MYO18A: variants seen among roughly 807,000 people sequenced by gnomAD.
The protein encoded by MYO18A is myosin XVIIIA.
In MYO18A, 78 loss-of-function variants were observed where a neutral mutation model predicts 235.8. That is an observed-to-expected ratio of 0.33 (90% CI 0.28 to 0.40). The LOEUF (loss-of-function observed/expected upper bound fraction) is 0.40. Ranked by LOEUF, MYO18A falls within the 10% of genes least tolerant of loss-of-function variation. The pLI is 1.00. For synonymous variants in MYO18A, 977 were observed against 1,077.8 expected, an observed-to-expected ratio of 0.91 and a Z score of 1.83; for missense variants, 2,215 against 2,699.3, an observed-to-expected ratio of 0.82 and a Z score of 3.98.
At chr17:29,087,203 G>A (rs1223076677) in intron 37 of MYO18A, 82 bp from the exon 38 acceptor site, 3 of 1,435,088 alleles carry the variant, frequency 2.1e-6, no homozygotes, top group African/African-American at 1.4e-5. Flanking sequence ...AGCTCTGGGT[G>A]AGGAGGCCTG....
rs755115282 is a variant in MYO18A at position 29,140,844 on chromosome 17, AAC to A, written c.1000-18593_1000-18592del. Among the ~76,000 whole-genome samples, 21 of 152,138 alleles carry A rather than the reference AAC, an allele frequency of 1.4e-4. No individual in the cohort carries two copies. The highest frequency in any genetic ancestry group is 4.4e-5 in the Non-Finnish European group (3 of 68,014). On this transcript the variant is annotated intron_variant, in intron 2 of 41. Coordinates refer to ENST00000527372, the MANE Select transcript of MYO18A (RefSeq NM_078471.4). This position sits in a 1 kb window ranked among gnomAD's most constrained non-coding sequence, Gnocchi z 4.2. ...CACCAGCATGCACGAACATTCAATCAACACAGTGTTCTTGAGAACACCCAAAT... is the reference window on the plus strand; with the variant it reads ...CACCAGCATGCACGAACATTCAATCAACAGTGTTCTTGAGAACACCCAAAT...
In MYO18A at chr17:29,140,136, G is replaced by A. The variant is rs1034235684; in HGVS notation, c.1000-17883C>T. Among the ~76,000 whole-genome samples the A allele has an allele frequency of 6.6e-6, 1 of 152,078 alleles. No individual in the cohort carries two copies. Among genetic ancestry groups the A allele is most frequent in the East Asian group, 1.9e-4 (1 of 5,194 alleles). ...CCCAGGATGCCCTGCTCCTAGCCAC[G>A]GAGGGGTTTTGAGGCTTCCGGGGCT... On this transcript the variant is annotated intron_variant, in intron 2 of 41. Coordinates refer to ENST00000527372, the MANE Select transcript of MYO18A (RefSeq NM_078471.4). The surrounding 1 kb of genome is among the most constrained non-coding windows in gnomAD (Gnocchi z 4.2).
chr17:29,124,251 C>T (rs974937870), intron 2 of MYO18A, among the ~76,000 whole-genome samples: 3 of 152,186 alleles, frequency 2.0e-5, no homozygotes, highest in East Asian at 3.9e-4. Context: ...GAGGTGGAGA[C>T]AGAGAATGTC....
intron 27 of MYO18A, 40 bp from the exon 28 acceptor site, chr17:29,096,955 A>G: frequency 1.3e-6 from 2 of 1,503,190 alleles, no homozygotes; most frequent in Non-Finnish European, 1.8e-6. Context: ...AGAGACCCAG[A>G]AGCATAGGTG....
In MYO18A at chr17:29,115,171, G is replaced by T. The variant is rs1598328164; in HGVS notation, c.2319-72C>A. On this transcript the variant is annotated intron_variant, in intron 13 of 41. Coordinates refer to ENST00000527372, the MANE Select transcript of MYO18A (RefSeq NM_078471.4). The stretch of plus-strand genomic sequence containing the variant: ...CACCAGGAAGCCCCACCCTGCCCAA[G>T]CCAGACCTCTATCCCTGCCCAGGAC... 6 of 1,508,588 alleles carry T rather than the reference G, an allele frequency of 4.0e-6. 1 individual carries two copies. Among genetic ancestry groups the T allele is most frequent in the Non-Finnish European group, 5.4e-6 (6 of 1,115,584 alleles). 93.5% of individuals were successfully genotyped at this position (1,508,588 alleles called of 1,614,324 possible). A position where few individuals can be genotyped will look rare whatever the true frequency, so the allele number is the denominator to read the frequency against.
intron 2 of MYO18A, among the ~76,000 whole-genome samples, chr17:29,129,514 T>G (rs1381074384): frequency 1.3e-5 from 2 of 152,160 alleles, no homozygotes; most frequent in African/African-American, 4.8e-5. Context: ...GAGTTTCCCA[T>G]AAAGCCAGCT....
At position 29,121,974 on chromosome 17, in the gene MYO18A, G is replaced by A. The variant is rs1267026349; in HGVS notation, c.1088-17C>T. 5.0e-6 allele frequency: 8 copies of A among 1,612,480 alleles called. No homozygotes were observed. Among genetic ancestry groups the A allele is most frequent in the Non-Finnish European group, 6.8e-6 (8 of 1,178,950 alleles). ...GTTGACTGGCTGCAGGGGAGGGACAGACAGCTGGGATGGGCCTGGGAAGCC... is the reference window on the plus strand; with the variant it reads ...GTTGACTGGCTGCAGGGGAGGGACAAACAGCTGGGATGGGCCTGGGAAGCC... On this transcript the variant is annotated splice_polypyrimidine_tract_variant and intron_variant, in intron 3 of 41. Transcript: ENST00000527372. The surrounding 1 kb of genome is among the most constrained non-coding windows in gnomAD (Gnocchi z 4.2).
chr17:29,138,711 C>T (rs2067664790), intron 2 of MYO18A, among the ~76,000 whole-genome samples: 1 of 152,156 alleles, frequency 6.6e-6, no homozygotes, highest in South Asian at 2.1e-4. Context: ...AAAGGAGGCT[C>T]AGAAGGTCAG....
intron 12 of MYO18A, 67 bp downstream of exon 12, chr17:29,115,597 C>T: frequency 6.6e-7 from 1 of 1,510,706 alleles, no homozygotes; most frequent in Non-Finnish European, 8.9e-7. Flanking sequence ...CCTCCCGCCC[C>T]AGGGATGGCA....
chr17:29,088,412 C>T (rs898861410), intron 37 of MYO18A, among the ~76,000 whole-genome samples: 12 of 152,062 alleles, frequency 7.9e-5, no homozygotes, highest in African/African-American at 2.2e-4. Flanking sequence ...ACTGTGACCC[C>T]GCCTTGGAAG....
intron 33 of MYO18A, 71 bp downstream of exon 33, chr17:29,092,784 C>T (rs1030325204): frequency 6.2e-5 from 97 of 1,567,486 alleles, no homozygotes; most frequent in Middle Eastern, 1.7e-4. Context: ...CTGAGAGGAG[C>T]GAGAGAGAGA....
intron 1 of MYO18A, among the ~76,000 whole-genome samples, chr17:29,175,095 T>C (rs772811385): frequency 1.3e-4 from 20 of 152,198 alleles, no homozygotes; most frequent in South Asian, 4.1e-4. Flanking sequence ...AATAGACTTG[T>C]GTTTCATCCA....
intron 33 of MYO18A, 109 bp downstream of exon 33, chr17:29,092,746 A>G: frequency 1.4e-6 from 2 of 1,464,790 alleles, no homozygotes; most frequent in Non-Finnish European, 1.8e-6. Flanking sequence ...CTTTCCTGTC[A>G]CTTTCCTTCC....
intron 1 of MYO18A, among the ~76,000 whole-genome samples, chr17:29,171,426 C>A: frequency 6.6e-6 from 1 of 151,064 alleles, no homozygotes; most frequent in East Asian, 1.9e-4. Flanking sequence ...GGAGACAGAG[C>A]AAGACCCCAT....
rs1047589223 is a variant in MYO18A at position 29,158,081 on chromosome 17, A to T, written c.999+7861T>A. Among the ~76,000 whole-genome samples, 10 of 152,160 alleles carry T rather than the reference A, an allele frequency of 6.6e-5. No individual in the cohort carries two copies. Among genetic ancestry groups the T allele is most frequent in the African/African-American group, 2.4e-4 (10 of 41,440 alleles). ...AGTGCTGGGATTATAGACGTGAGCC[A>T]CTGTGCCCTGCCTTGGCTGAGTCTT... On this transcript the variant is annotated intron_variant, in intron 2 of 41. Coordinates refer to ENST00000527372, the MANE Select transcript of MYO18A (RefSeq NM_078471.4). The surrounding 1 kb of genome is among the most constrained non-coding windows in gnomAD (Gnocchi z 4.3).
rs868248766 is a variant in MYO18A, at chr17:29,152,106, G to A, written c.999+13836C>T. ...ACAGAGACTTCACTGGAGAGGTTTT[G>A]CTGCAGTAAAAATCACAAGTGGGAG... On this transcript the variant is annotated intron_variant, in intron 2 of 41. Transcript: ENST00000527372. Among the ~76,000 whole-genome samples the A allele has an allele frequency of 3.9e-5, 6 of 152,266 alleles. No individual in the cohort carries two copies. The Middle Eastern group carries it at 0.01, about 259-fold the overall frequency.
intron 21 of MYO18A, among the ~76,000 whole-genome samples, chr17:29,101,633 G>A (rs926047378): frequency 2.0e-5 from 3 of 152,156 alleles, no homozygotes; most frequent in Non-Finnish European, 4.4e-5. Context: ...CATATAATGT[G>A]CAAGCCTGAA....
chr17:29,133,393 C>A (rs1378500736), intron 2 of MYO18A, among the ~76,000 whole-genome samples: 6 of 152,236 alleles, frequency 3.9e-5, no homozygotes, highest in African/African-American at 9.6e-5. Flanking sequence ...GACTCCCCAC[C>A]CTTGGCCCCT....
intron 2 of MYO18A, among the ~76,000 whole-genome samples, chr17:29,165,141 C>T (rs2068251999): frequency 1.3e-5 from 2 of 152,204 alleles, no homozygotes; most frequent in Non-Finnish European, 2.9e-5. Context: ...CTTGCTCACT[C>T]AGGGGCAAGA....
Sources: gnomAD v4.1 joint callset for allele counts (sites outside exome capture counted in the v4.1 genomes callset) on GRCh38, gnomAD v4.1.1 for gene constraint, Gnocchi (gnomAD v3.1) non-coding constraint, MANE v1.5 for transcripts, NCBI Gene and HGNC (gene_info 2026-07-23, HGNC 2026-07-21) for gene names.